GYG1: variants seen among roughly 807,000 people sequenced by gnomAD.
The protein encoded by GYG1 is glycogenin 1.
Under a neutral mutation model 41.9 loss-of-function variants are expected in GYG1, and 44 were observed. The observed-to-expected ratio is 1.05, with a 90% CI of 0.83 to 1.35. The LOEUF is 1.35. Among genes scored for constraint, GYG1 ranks in the 40% most tolerant of loss-of-function variants. The pLI, the probability that GYG1 is intolerant of heterozygous loss-of-function variation, is 0.00. For synonymous variants in GYG1, 141 were observed against 158.1 expected, an observed-to-expected ratio of 0.89 and a Z score of 0.81; for missense variants, 429 against 418.9, an observed-to-expected ratio of 1.02 and a Z score of -0.21.
chr3:149,005,480 CATT>C (rs1261851977), intron 4 of GYG1, among the ~76,000 whole-genome samples: 1 of 152,080 alleles, frequency 6.6e-6, no homozygotes, highest in African/African-American at 2.4e-5. Flanking sequence ...TCTTTATAGA[CATT>C]AGTTTTAATT....
rs373505157 is a variant in GYG1, at chr3:148,994,149, C to T, written c.15C>T (p.Ala5=). Residue 5 remains alanine, a synonymous_variant, in exon 2 of 8, where the codon GCC becomes GCT. Coordinates refer to ENST00000345003, the MANE Select transcript of GYG1 (RefSeq NM_004130.4). The part of the protein sequence containing the change: MTDQ[A]FVTLTTNDAY... Reference sequence around the variant, plus strand: ...TTTTTTCTTTGTATTAAGATCAGGCCTTTGTGACACTAACCACAAACGATG... The same window carrying T: ...TTTTTTCTTTGTATTAAGATCAGGCTTTTGTGACACTAACCACAAACGATG... 8.1e-6 allele frequency: 13 copies of T among 1,613,296 alleles called. No individual in the cohort carries two copies. The highest frequency in any genetic ancestry group is 3.3e-5 in the Admixed American group (2 of 59,986).
intron 6 of GYG1, among the ~76,000 whole-genome samples, chr3:149,026,237 T>C (rs556608804): frequency 1.3e-5 from 2 of 152,242 alleles, no homozygotes; most frequent in Admixed American, 1.3e-4. Flanking sequence ...AGAAGTTTGG[T>C]ACCTAGTCTC....
intron 1 of GYG1, among the ~76,000 whole-genome samples, chr3:148,991,871 C>T (rs1712493801): frequency 6.6e-6 from 1 of 152,220 alleles, no homozygotes; most frequent in Non-Finnish European, 1.5e-5. Context: ...CCCGGGCCCT[C>T]GGCCGGAGCT....
At chr3:149,016,164 G>A (rs906261520) in intron 5 of GYG1, among the ~76,000 whole-genome samples, 1 of 150,976 alleles carries the variant, frequency 6.6e-6, no homozygotes, top group African/African-American at 2.4e-5. Flanking sequence ...AGGAGGCTGA[G>A]GCAGGAGAAT....
chr3:148,999,991 T>G (rs1269045766), intron 4 of GYG1, among the ~76,000 whole-genome samples: 1 of 152,226 alleles, frequency 6.6e-6, no homozygotes, highest in Non-Finnish European at 1.5e-5. Context: ...TGGGGCCTGA[T>G]GTCCACTGAC....
At chr3:149,014,130 T>TCAAG (rs1384716720) in intron 5 of GYG1, among the ~76,000 whole-genome samples, 2 of 152,044 alleles carry the variant, frequency 1.3e-5, no homozygotes, top group African/African-American at 2.4e-5. Flanking sequence ...AGAAGAAGAA[T>TCAAG]CAAGCAGTGG....
Position 149,026,842 on chromosome 3 carries a change from G to C in GYG1, c.962G>C (p.Arg321Pro), listed in dbSNP as rs566702762. The C allele has an allele frequency of 1.9e-6, 3 of 1,613,836 alleles. No homozygotes were observed. In the African/African-American group the frequency reaches 4.0e-5, roughly 22 times the overall value. The change falls in exon 8 of 8, where the codon CGG becomes CCG. Residue 321 changes from arginine to proline, a missense_variant. Transcript: ENST00000345003. ...CAGCCGTTTGTATCCTCGGAAGAACGGAAGGAACGATGGGAACAGGGCCAG... is the reference window on the plus strand; with the variant it reads ...CAGCCGTTTGTATCCTCGGAAGAACCGAAGGAACGATGGGAACAGGGCCAG... ...MAQPFVSSEE[R>P]KERWEQGQAD...
chr3:149,022,565 G>A (rs1177268274), intron 5 of GYG1, among the ~76,000 whole-genome samples: 1 of 134,550 alleles, frequency 7.4e-6, no homozygotes, highest in Non-Finnish European at 1.5e-5. Context: ...GCGCAATCTC[G>A]GCTCACTGCA....
At chr3:149,010,416 C>T (rs965984993) in intron 5 of GYG1, among the ~76,000 whole-genome samples, 1 of 151,102 alleles carries the variant, frequency 6.6e-6, no homozygotes, top group African/African-American at 2.4e-5. Flanking sequence ...CAACCTCCAC[C>T]TCCTGGTTCA....
At chr3:149,006,646 C>T (rs1713419753) in intron 4 of GYG1, among the ~76,000 whole-genome samples, 1 of 152,160 alleles carries the variant, frequency 6.6e-6, no homozygotes, top group African/African-American at 2.4e-5. Flanking sequence ...TGCTGAGTGA[C>T]ATTTGAGCTG....
intron 4 of GYG1, among the ~76,000 whole-genome samples, chr3:149,000,188 CTCTT>C (rs1466256249): frequency 6.6e-6 from 1 of 152,204 alleles, no homozygotes; most frequent in Non-Finnish European, 1.5e-5. Flanking sequence ...ACCTGGACTT[CTCTT>C]TCTTCCTAAA....
intron 6 of GYG1, among the ~76,000 whole-genome samples, chr3:149,025,572 T>C (rs1714607370): frequency 6.6e-6 from 1 of 152,194 alleles, no homozygotes. Flanking sequence ...AAAACCACTA[T>C]ATTAAGTACT....
chr3:149,024,749 TC>T (rs1460992017), intron 6 of GYG1, among the ~76,000 whole-genome samples: 1 of 152,228 alleles, frequency 6.6e-6, no homozygotes, highest in African/African-American at 2.4e-5. Context: ...ATGTTTGTAC[TC>T]CTATGATTAC....
At chr3:148,991,837 C>T (rs1712490753) in intron 1 of GYG1, among the ~76,000 whole-genome samples, 190 bp downstream of exon 1, 1 of 152,238 alleles carries the variant, frequency 6.6e-6, no homozygotes, top group African/African-American at 2.4e-5. Flanking sequence ...CCCCAGAGTG[C>T]AGGGATGGGG....
chr3:149,006,080 C>CTTTTTTTTTTTT (rs34268321), intron 4 of GYG1, among the ~76,000 whole-genome samples: 1 of 117,224 alleles, frequency 8.5e-6, no homozygotes. Flanking sequence ...TCATCATATT[C>CTTTTTTTTTTTT]TTTTTTTTTT....
rs34911978 is a variant in GYG1, at chr3:149,023,888, T to TA, written c.609-164dup. On this transcript the variant is annotated intron_variant, in intron 5 of 7. Coordinates refer to ENST00000345003, the MANE Select transcript of GYG1 (RefSeq NM_004130.4). Reference sequence around the variant, plus strand: ...ACTCAGGAGGCTAAGGGTGGGAAGTTAGAGGCTGTAGTGAACTGTCATGCT... The same window carrying TA: ...ACTCAGGAGGCTAAGGGTGGGAAGTTAAGAGGCTGTAGTGAACTGTCATGCT... Among the ~76,000 whole-genome samples the TA allele has an allele frequency of 0.31, 47,102 of 151,934 alleles. 7,219 individuals are homozygous for TA. Among genetic ancestry groups the TA allele is most frequent in the East Asian group, 0.33 (1,707 of 5,130 alleles).
At position 149,023,998 on chromosome 3, in the gene GYG1, C is replaced by CT. The variant is rs1346333885; in HGVS notation, c.609-50dup. ...AAAAGTGCTACTAAGTGCTGCTTAT[C>CT]TTTTTGTCAGTACTCAGAATCCACT... On this transcript the variant is annotated intron_variant, in intron 5 of 7. Transcript: ENST00000345003. 8.0e-6 allele frequency: 10 copies of CT among 1,249,082 alleles called. No individual in the cohort carries two copies. The African/African-American group carries it at 8.8e-5, about 11-fold the overall frequency. The allele number at this position is 1,249,082 out of a possible 1,614,324, so 77.4% of individuals were successfully genotyped here.
intron 4 of GYG1, among the ~76,000 whole-genome samples, chr3:148,998,608 TAAG>T (rs1206357336): frequency 6.6e-6 from 1 of 152,134 alleles, no homozygotes; most frequent in Non-Finnish European, 1.5e-5. Flanking sequence ...AACCTTAAAA[TAAG>T]AAAATAATAA....
intron 4 of GYG1, among the ~76,000 whole-genome samples, chr3:148,999,163 G>A (rs973775375): frequency 7.2e-5 from 11 of 152,174 alleles, no homozygotes; most frequent in East Asian, 1.9e-4. Flanking sequence ...GCTTGGATGC[G>A]TGCAGAGTGC....
Sources: gnomAD v4.1 joint callset for allele counts (sites outside exome capture counted in the v4.1 genomes callset) on GRCh38, gnomAD v4.1.1 for gene constraint, MANE v1.5 for transcripts, NCBI Gene and HGNC (gene_info 2026-07-23, HGNC 2026-07-21) for gene names.